Variants in NLRC3 observed in about 807,000 individuals in gnomAD.
NLRC3 encodes NLR family CARD domain-containing protein 3.
Under a neutral mutation model 91.6 loss-of-function variants are expected in NLRC3, and 87 were observed. The observed-to-expected ratio is 0.95, with a 90% CI of 0.80 to 1.14. NLRC3 has a LOEUF of 1.14. NLRC3 is among the 50% of genes most tolerant of loss of function. The probability of loss-of-function intolerance (pLI) is 0.00; values close to 1 mark genes in which losing one functional copy is unlikely to be tolerated. For synonymous variants in NLRC3, 694 were observed against 625.3 expected, an observed-to-expected ratio of 1.11 and a Z score of -1.64; for missense variants, 1,577 against 1,418.6, an observed-to-expected ratio of 1.11 and a Z score of -1.79.
chr16:3,577,044 A>T, intron 1 of NLRC3, 105 bp downstream of exon 1: 1 of 698,210 alleles, frequency 1.4e-6, no homozygotes, highest in South Asian at 1.5e-5. Flanking sequence ...GAGTCTCCCC[A>T]GTCCCCCTCC....
In NLRC3 at chr16:3,544,289, C is replaced by T; in HGVS notation, c.2812G>A (p.Val938Met). 5.0e-6 allele frequency: 8 copies of T among 1,613,444 alleles called. No homozygotes were observed. The highest frequency in any genetic ancestry group is 6.8e-6 in the Non-Finnish European group (8 of 1,179,434). The part of the protein sequence containing the change: ...NAIGDDGACA[V>M]ARALKVNTAL... ...GTGTTGACCTTCAGTGCACGGGCCA[C>T]CGCACACGCTCCGTCATCCCCGATG... The change falls in exon 16 of 20, where the codon GTG (valine) becomes ATG (methionine). Residue 938 changes from valine (V) to methionine (M), a missense_variant. Coordinates refer to ENST00000359128, the MANE Select transcript of NLRC3 (RefSeq NM_178844.4).
intron 5 of NLRC3, 28 bp from the exon 6 acceptor site, chr16:3,561,816 T>C (rs1432646686): frequency 1.3e-6 from 2 of 1,568,294 alleles, no homozygotes; most frequent in Non-Finnish European, 1.8e-6. Context: ...TGACAGTGAG[T>C]GTCCCACCCG....
At chr16:3,555,588 T>C (rs139775658) in intron 8 of NLRC3, among the ~76,000 whole-genome samples, 164 of 152,096 alleles carry the variant, frequency 1.1e-3, no homozygotes, top group African/African-American at 3.1e-3. Context: ...GGGTTTTTTT[T>C]AGACAGAGTC....
chr16:3,548,773 A>G lies in NLRC3; in HGVS notation c.2604-20T>C. 1 of 1,564,556 alleles carries G rather than the reference A, an allele frequency of 6.4e-7. No homozygotes were observed. Reference sequence around the variant, plus strand: ...GTCAGGCTAGGAGGAAGGGAACAGGAGCAAGTGAGCCGGGGGCCGGCTGTG... The same window carrying G: ...GTCAGGCTAGGAGGAAGGGAACAGGGGCAAGTGAGCCGGGGGCCGGCTGTG... On this transcript the variant is annotated intron_variant, in intron 13 of 19. Transcript: ENST00000359128.
At chr16:3,574,884 C>T (rs1235734133) in intron 1 of NLRC3, among the ~76,000 whole-genome samples, 3 of 152,126 alleles carry the variant, frequency 2.0e-5, no homozygotes, top group African/African-American at 7.2e-5. Context: ...ATCGCCTGAA[C>T]TCAGGAGGTG....
At chr16:3,559,643 C>CT (rs71392843) in intron 6 of NLRC3, among the ~76,000 whole-genome samples, 15,365 of 134,330 alleles carry the variant, frequency 0.11, 1,085 homozygotes, top group Non-Finnish European at 0.16. Flanking sequence ...TTTTTTTTTT[C>CT]TTTTTTTTTT....
chr16:3,575,521 G>T (rs1356250373), intron 1 of NLRC3, among the ~76,000 whole-genome samples: 7 of 152,232 alleles, frequency 4.6e-5, no homozygotes, highest in Non-Finnish European at 1.0e-4. Flanking sequence ...AGCAGGGCGA[G>T]GCCAGAGGGA....
At position 3,543,426 on chromosome 16, in the gene NLRC3, C is replaced by T. The variant is rs199475946; in HGVS notation, c.2938G>A (p.Asp980Asn). The T allele has an allele frequency of 6.1e-5, 98 of 1,607,108 alleles. No homozygotes were observed. In the East Asian group the frequency reaches 1.9e-3, roughly 31 times the overall value. Residue 980 changes from aspartate to asparagine, a missense_variant and splice_region_variant, in exon 17 of 20, where the codon GAC becomes AAC. Transcript: ENST00000359128. ...ATAGATGGAGACTGGAATACTTACT[C>T]GAGAATCTCCAAGGTTCTGTTCACA... Reference protein sequence around the residue: ...LAVNRTLEILDLRGNAIGVAG... With the variant: ...LAVNRTLEILNLRGNAIGVAG...
In NLRC3 at chr16:3,564,416, A is replaced by C; in HGVS notation, c.521T>G (p.Val174Gly). Residue 174 changes from valine (V) to glycine (G), a missense_variant, in exon 5 of 20, where the codon GTG (valine) becomes GGG (glycine). Coordinates refer to ENST00000359128, the MANE Select transcript of NLRC3 (RefSeq NM_178844.4). The surrounding 1 kb of genome is among the most constrained non-coding windows in gnomAD (Gnocchi z 5.9). ...GAGATCCCGGAAGGTCAGAGGCAGC[A>C]CCAGCGAGAAGTCCTTGCCGACCTG... ...HGQVGKDFSL[V>G]LPLTFRDLNT... 1 of 1,612,720 alleles carries C rather than the reference A, an allele frequency of 6.2e-7. No individual in the cohort carries two copies. Among genetic ancestry groups the C allele is most frequent in the Non-Finnish European group, 8.5e-7 (1 of 1,179,880 alleles).
intron 6 of NLRC3, among the ~76,000 whole-genome samples, chr16:3,559,921 G>C (rs560495540): frequency 2.0e-5 from 3 of 152,072 alleles, no homozygotes; most frequent in Non-Finnish European, 2.9e-5. Flanking sequence ...GGGATTAAAG[G>C]CATGAGCCAC....
rs1347688905 is a variant in NLRC3 at position 3,549,114 on chromosome 16, T to G, written c.2603+28A>C. ...GGGTGTGGTCATGGCATGAACAGCCTGTGGAGTCACAGGCCCCCACCACGT... is the reference window on the plus strand; with the variant it reads ...GGGTGTGGTCATGGCATGAACAGCCGGTGGAGTCACAGGCCCCCACCACGT... On this transcript the variant is annotated intron_variant, in intron 13 of 19. Coordinates refer to ENST00000359128, the MANE Select transcript of NLRC3 (RefSeq NM_178844.4). 8.7e-6 allele frequency: 13 copies of G among 1,499,776 alleles called. No individual in the cohort carries two copies. The Middle Eastern group carries it at 5.1e-4, about 59-fold the overall frequency. 92.9% of individuals were successfully genotyped at this position (1,499,776 alleles called of 1,614,324 possible).
At chr16:3,566,552 C>T (rs2039891792) in intron 2 of NLRC3, among the ~76,000 whole-genome samples, 1 of 152,042 alleles carries the variant, frequency 6.6e-6, no homozygotes, top group Non-Finnish European at 1.5e-5. Flanking sequence ...ATGGAGAAAC[C>T]CCATCTCTAT....
Position 3,564,855 on chromosome 16 carries a change from C to T in NLRC3, c.178+4G>A. The T allele has an allele frequency of 1.9e-6, 3 of 1,600,844 alleles. No homozygotes were observed. The highest frequency in any genetic ancestry group is 1.1e-5 in the South Asian group (1 of 90,692). On this transcript the variant is annotated splice_donor_region_variant and intron_variant, in intron 4 of 19. Coordinates refer to ENST00000359128, the MANE Select transcript of NLRC3 (RefSeq NM_178844.4). This position sits in a 1 kb window ranked among gnomAD's most constrained non-coding sequence, Gnocchi z 5.9. ...CCCGCGTCTGCCTCCCAAGCCGGTC[C>T]TACCATTGCTGCAGGGCCCCAGCGG...
intron 15 of NLRC3, 98 bp downstream of exon 15, chr16:3,548,037 G>T: frequency 1.3e-6 from 1 of 761,336 alleles, no homozygotes; most frequent in Non-Finnish European, 2.2e-6. Context: ...GAGTGCCAGG[G>T]GTCACTGGAT....
At position 3,564,312 on chromosome 16, in the gene NLRC3, C is replaced by A; in HGVS notation, c.625G>T (p.Ala209Ser). The A allele has an allele frequency of 6.2e-7, 1 of 1,611,174 alleles. No homozygotes were observed. The highest frequency in any genetic ancestry group is 8.5e-7 in the Non-Finnish European group (1 of 1,179,402). ...ATCAGGAGGGCCCTGGCTGGGACTG[C>A]CACCGCCAGGCTGGGCTCCCCGACG... ...PHVGEPSLAV[A>S]VPARALLILD... The change falls in exon 5 of 20, where the codon GCA becomes TCA. Residue 209 changes from alanine (A) to serine (S), a missense_variant. By Grantham distance (99) the Ala-to-Ser change is moderately conservative. Transcript: ENST00000359128. This position sits in a 1 kb window ranked among gnomAD's most constrained non-coding sequence, Gnocchi z 5.9.
chr16:3,563,150 G>C lies in NLRC3; in HGVS notation c.1787C>G (p.Thr596Ser). Residue 596 changes from threonine to serine, a missense_variant, in exon 5 of 20, where the codon ACT (threonine) becomes AGT (serine). By Grantham distance (58) the Thr-to-Ser change is moderately conservative. Coordinates refer to ENST00000359128, the MANE Select transcript of NLRC3 (RefSeq NM_178844.4). ...AMESGALARLTGPAHRAALAY... is the reference protein window; with the variant it reads ...AMESGALARLSGPAHRAALAY... ...CAGGGCAGCGCGGTGCGCGGGACCA[G>C]TCAGCCTGGCCAGGGCCCCGCTCTC... The C allele has an allele frequency of 6.3e-7, 1 of 1,589,430 alleles. No individual in the cohort carries two copies. The highest frequency in any genetic ancestry group is 8.5e-7 in the Non-Finnish European group (1 of 1,170,012).
At chr16:3,546,727 G>A (rs751995489) in intron 15 of NLRC3, among the ~76,000 whole-genome samples, 1 of 152,184 alleles carries the variant, frequency 6.6e-6, no homozygotes, top group African/African-American at 2.4e-5. Flanking sequence ...AGGTACAGAG[G>A]GGGTGTGGAC....
At chr16:3,557,565 A>AAG in intron 7 of NLRC3, 28 bp downstream of exon 7, 1 of 1,497,192 alleles carries the variant, frequency 6.7e-7, no homozygotes, top group Non-Finnish European at 9.3e-7. Context: ...CCAATGGCAA[A>AAG]AGTTCGGCCT....
At chr16:3,551,465 A>G (rs928677365) in intron 10 of NLRC3, among the ~76,000 whole-genome samples, 8 of 150,758 alleles carry the variant, frequency 5.3e-5, no homozygotes, top group African/African-American at 2.0e-4. Context: ...TCATTCATTC[A>G]TCCACATACC....
Sources: allele counts gnomAD v4.1 joint callset (sites outside exome capture counted in the v4.1 genomes callset), GRCh38; gene constraint gnomAD v4.1.1; non-coding constraint Gnocchi (gnomAD v3.1); transcripts MANE v1.5; gene names NCBI Gene and HGNC (gene_info 2026-07-23, HGNC 2026-07-21).